CUBN: variants seen among roughly 807,000 people sequenced by gnomAD.
CUBN encodes 460 kDa receptor.
CUBN carries 282 observed loss-of-function variants against 405.3 expected under a neutral mutation model. That is an observed-to-expected ratio of 0.70 (90% confidence interval 0.63 to 0.77). The LOEUF is 0.77. Ranked by LOEUF, CUBN falls within the 30% of genes least tolerant of loss-of-function variation. The pLI is 0.00. For synonymous variants in CUBN, 1,684 were observed against 1,617.0 expected (o/e 1.04, Z -0.99); for missense variants, 4,514 against 4,475.2 (o/e 1.01, Z -0.25).
chr10:16,912,882 A>G (rs183950609), intron 48 of CUBN, among the ~76,000 whole-genome samples: 155 of 152,312 alleles, frequency 1.0e-3, no homozygotes, highest in African/African-American at 3.2e-3. Context: ...CAGCAACATG[A>G]TCCGATTGAG....
chr10:16,825,752 G>A (rs182548088), intron 66 of CUBN, among the ~76,000 whole-genome samples: 117 of 150,580 alleles, frequency 7.8e-4, no homozygotes, highest in African/African-American at 2.7e-3. Flanking sequence ...GCACTGCCAC[G>A]CTGCAGGTAT....
chr10:17,041,880 G>A (rs1391032086), intron 26 of CUBN, among the ~76,000 whole-genome samples: 2 of 152,186 alleles, frequency 1.3e-5, no homozygotes, highest in Admixed American at 1.3e-4. Flanking sequence ...CAATCCAATG[G>A]TGGCATTTTC....
intron 1 of CUBN, 37 bp from the exon 2 acceptor site, chr10:17,129,287 G>C: frequency 1.2e-6 from 2 of 1,606,554 alleles, no homozygotes; most frequent in Non-Finnish European, 1.7e-6. Flanking sequence ...TCAGTAATTA[G>C]CAAGTACAAT....
chr10:16,861,085 A>T (rs752305278), intron 59 of CUBN, among the ~76,000 whole-genome samples: 22 of 151,986 alleles, frequency 1.4e-4, no homozygotes, highest in Non-Finnish European at 2.4e-4. Flanking sequence ...GTTAGCTGGC[A>T]TCCATTGAAA....
At chr10:17,075,136 T>A (rs985179019) in intron 17 of CUBN, among the ~76,000 whole-genome samples, 4 of 135,000 alleles carry the variant, frequency 3.0e-5, no homozygotes, top group Non-Finnish European at 6.1e-5. Flanking sequence ...TAGGCTGGAG[T>A]GCAGTGGCAC....
In CUBN at chr10:17,078,074, C is replaced by A. The variant is rs182810158; in HGVS notation, c.2302-6103G>T. Among the ~76,000 whole-genome samples the A allele has an allele frequency of 2.0e-5, 3 of 152,124 alleles. No individual in the cohort carries two copies. The East Asian group carries it at 5.8e-4, about 29-fold the overall frequency. Reference sequence around the variant, plus strand: ...TCCTGCCCTCTCTTCTCCTCCCCATCATCATCATCATCATCGTCATTATCA... The same window carrying A: ...TCCTGCCCTCTCTTCTCCTCCCCATAATCATCATCATCATCGTCATTATCA... On this transcript the variant is annotated intron_variant, in intron 17 of 66. Coordinates refer to ENST00000377833, the MANE Select transcript of CUBN (RefSeq NM_001081.4).
At chr10:17,014,995 T>C (rs1488354769) in intron 28 of CUBN, among the ~76,000 whole-genome samples, 1 of 152,162 alleles carries the variant, frequency 6.6e-6, no homozygotes, top group African/African-American at 2.4e-5. Flanking sequence ...AGGGGTTCAG[T>C]ACAACTGGAC....
chr10:16,910,087 C>A (rs151037481), intron 48 of CUBN, among the ~76,000 whole-genome samples: 6 of 150,638 alleles, frequency 4.0e-5, no homozygotes, highest in African/African-American at 1.5e-4. Context: ...TCTCTTTCTC[C>A]CTCTCCTTCT....
rs751782310 is a variant in CUBN, at chr10:16,840,882, C to T, written c.9826+3G>A. ...ACATATAAAAATGCTTCTATTTACTCACTGTCCATGATGGTGTATGTAGCA... is the reference window on the plus strand; with the variant it reads ...ACATATAAAAATGCTTCTATTTACTTACTGTCCATGATGGTGTATGTAGCA... On this transcript the variant is annotated splice_donor_region_variant and intron_variant, in intron 61 of 66. Transcript: ENST00000377833. 15 of 1,607,876 alleles carry T rather than the reference C, an allele frequency of 9.3e-6. No individual in the cohort carries two copies. The highest frequency in any genetic ancestry group is 1.1e-5 in the Non-Finnish European group (13 of 1,175,608).
intron 60 of CUBN, 120 bp from the exon 61 acceptor site, chr10:16,841,167 A>G: frequency 1.2e-6 from 1 of 805,326 alleles, no homozygotes; most frequent in Non-Finnish European, 2.0e-6. Context: ...ATTTTCTTAG[A>G]GGTAGTCTTA....
intron 44 of CUBN, 35 bp downstream of exon 44, chr10:16,919,928 G>A (rs776717268): frequency 6.2e-7 from 1 of 1,603,496 alleles, no homozygotes; most frequent in Admixed American, 1.7e-5. Context: ...ATACTAACTT[G>A]GGGTAGGAAA....
intron 33 of CUBN, among the ~76,000 whole-genome samples, chr10:16,951,702 A>T (rs1331799677): frequency 1.3e-5 from 2 of 152,224 alleles, no homozygotes; most frequent in Admixed American, 6.5e-5. Flanking sequence ...CCAAAAAAGA[A>T]AAGAAAGTAA....
chr10:16,868,857 A>T (rs903302164), intron 59 of CUBN, among the ~76,000 whole-genome samples: 3 of 152,206 alleles, frequency 2.0e-5, no homozygotes, highest in African/African-American at 7.2e-5. Flanking sequence ...CTTCCAACTT[A>T]AAATACTCCA....
At chr10:17,104,692 A>G in intron 11 of CUBN, 87 bp from the exon 12 acceptor site, 1 of 628,978 alleles carries the variant, frequency 1.6e-6, no homozygotes, top group South Asian at 1.7e-5. Context: ...ATGTAGTGCC[A>G]TGGAGATATA....
At position 16,824,798 on chromosome 10, in the gene CUBN, G is replaced by A; in HGVS notation, c.*177C>T. The A allele has an allele frequency of 1.6e-6, 1 of 614,634 alleles. No individual in the cohort carries two copies. The highest frequency in any genetic ancestry group is 3.0e-6 in the Non-Finnish European group (1 of 331,210). The allele number at this position is 614,634 out of a possible 1,614,324, so 38.1% of individuals were successfully genotyped here. A position where few individuals can be genotyped will look rare whatever the true frequency, so the allele number is the denominator to read the frequency against. On this transcript the variant is annotated 3_prime_UTR_variant, in exon 67 of 67. Coordinates refer to ENST00000377833, the MANE Select transcript of CUBN (RefSeq NM_001081.4). ...GCCTCCCAAAGTGCTGAGAATACAG[G>A]GGGGTGAGCCACCACGCCTGGCCTA... is the stretch of plus-strand genomic sequence containing the variant.
At position 16,829,048 on chromosome 10, in the gene CUBN, G is replaced by A. The variant is rs1364917024; in HGVS notation, c.10529-8C>T. 5.6e-6 allele frequency: 9 copies of A among 1,609,164 alleles called. No homozygotes were observed. The East Asian group carries it at 6.7e-5, about 12-fold the overall frequency. ...AAAGAGTTCCACCACATCCTGCAAG[G>A]AAAACAGGACAGGAAGTTTGATTCA... On this transcript the variant is annotated splice_polypyrimidine_tract_variant and splice_region_variant and intron_variant, in intron 65 of 66. Coordinates refer to ENST00000377833, the MANE Select transcript of CUBN (RefSeq NM_001081.4).
At chr10:17,098,169 AG>A (rs1344759361) in intron 14 of CUBN, among the ~76,000 whole-genome samples, 3 of 152,180 alleles carry the variant, frequency 2.0e-5, no homozygotes, top group African/African-American at 7.2e-5. Context: ...TCTCATTGAA[AG>A]CCAGCATCAA....
Position 17,045,116 on chromosome 10 carries a change from C to T in CUBN, c.3563G>A (p.Ser1188Asn). 1 of 1,614,010 alleles carries T rather than the reference C, an allele frequency of 6.2e-7. No individual in the cohort carries two copies. The highest frequency in any genetic ancestry group is 8.5e-7 in the Non-Finnish European group (1 of 1,179,974). The change falls in exon 25 of 67, where the codon AGC becomes AAC. Residue 1188 changes from serine to asparagine, a missense_variant. Ser to Asn is a conservative substitution (Grantham distance 46). Around this residue, in one of 5 missense-constraint regions of CUBN, gnomAD observed 242 missense variants for 309.0 expected, o/e 0.78. Coordinates refer to ENST00000377833, the MANE Select transcript of CUBN (RefSeq NM_001081.4). Reference sequence around the variant, plus strand: ...TTTCAACCACCAGTAGCATTCAGAGCTGTGGTAATAGGGCATCGGGTAGTT... The same window carrying T: ...TTTCAACCACCAGTAGCATTCAGAGTTGTGGTAATAGGGCATCGGGTAGTT... ...SPNYPMPYYHSSECYWWLKSS... is the reference protein window; with the variant it reads ...SPNYPMPYYHNSECYWWLKSS...
At chr10:17,110,861 C>A in intron 9 of CUBN, 58 bp downstream of exon 9, 1 of 1,612,244 alleles carries the variant, frequency 6.2e-7, no homozygotes, top group Non-Finnish European at 8.5e-7. Flanking sequence ...ATTCCGTATT[C>A]CTATGTCTGT....
Sources: gnomAD v4.1 joint callset for allele counts (sites outside exome capture counted in the v4.1 genomes callset) on GRCh38, gnomAD v4.1.1 for gene constraint, gnomAD v4.1.1 regional missense constraint, MANE v1.5 for transcripts, NCBI Gene and HGNC (gene_info 2026-07-23, HGNC 2026-07-21) for gene names.